VPS8: variants seen among roughly 807,000 people sequenced by gnomAD.
VPS8 encodes the protein VPS8 subunit of CORVET complex.
Under a neutral mutation model 216.4 loss-of-function variants are expected in VPS8, and 129 were observed. That is an observed-to-expected ratio of 0.60 (90% confidence interval 0.52 to 0.69). The LOEUF (loss-of-function observed/expected upper bound fraction) is 0.69, where lower values mean the gene tolerates loss of function less well. VPS8 is among the 30% of genes least tolerant of loss of function. The pLI is 0.00. For synonymous variants in VPS8, 571 were observed against 565.4 expected (o/e 1.01, Z -0.14); for missense variants, 1,531 against 1,683.5 (o/e 0.91, Z 1.59).
chr3:185,008,812 A>G (rs775363668), intron 45 of VPS8, among the ~76,000 whole-genome samples: 6 of 152,206 alleles, frequency 3.9e-5, no homozygotes, highest in Non-Finnish European at 7.4e-5. Flanking sequence ...AGAGGTAGGT[A>G]GACAGGGCCT....
intron 23 of VPS8, among the ~76,000 whole-genome samples, chr3:184,896,391 A>G (rs765581100): frequency 3.3e-5 from 5 of 152,150 alleles, no homozygotes; most frequent in Non-Finnish European, 5.9e-5. Flanking sequence ...CAATTTCAAA[A>G]TGCTCCCCTC....
intron 3 of VPS8, among the ~76,000 whole-genome samples, chr3:184,826,683 T>C (rs776061836): frequency 2.0e-5 from 3 of 152,254 alleles, no homozygotes; most frequent in Non-Finnish European, 4.4e-5. Context: ...AGGTTTGTAT[T>C]ATGTGTTGCT....
intron 22 of VPS8, among the ~76,000 whole-genome samples, chr3:184,894,448 T>C (rs1732948708): frequency 6.6e-6 from 1 of 150,932 alleles, no homozygotes; most frequent in African/African-American, 2.4e-5. Context: ...CCTTTTCTGA[T>C]TTGTTAAAGA....
chr3:184,868,061 T>A lies in VPS8; in HGVS notation c.1506+2T>A. On this transcript the variant is annotated splice_donor_variant, in intron 18 of 47. Coordinates refer to ENST00000625842, the MANE Select transcript of VPS8 (RefSeq NM_001009921.3). LOFTEE classifies it high-confidence loss of function. The stretch of plus-strand genomic sequence containing the variant: ...ATGATGCTGAGGAGCTGGAGAGAGG[T>A]GAGTTCCAAGTAATTTCACATGTCA... 6.2e-7 allele frequency: 1 copy of A among 1,612,828 alleles called. No homozygotes were observed. The highest frequency in any genetic ancestry group is 8.5e-7 in the Non-Finnish European group (1 of 1,179,620).
At position 184,849,155 on chromosome 3, in the gene VPS8, A is replaced by G. The variant is rs769558617; in HGVS notation, c.626A>G (p.Asn209Ser). ...YGAISALSIN[N>S]DCSRLLCGFA... ...GCTATCTCTGCCCTCAGTATCAACA[A>G]TGATTGCTCAAGACTTCTTTGTGGC... Residue 209 changes from asparagine (N) to serine (S), a missense_variant, in exon 9 of 48, where the codon AAT becomes AGT. Coordinates refer to ENST00000625842, the MANE Select transcript of VPS8 (RefSeq NM_001009921.3). The G allele has an allele frequency of 3.1e-6, 5 of 1,613,652 alleles. No individual in the cohort carries two copies. The highest frequency in any genetic ancestry group is 2.7e-5 in the African/African-American group (2 of 75,026).
At chr3:185,042,434 C>T (rs1711866022) in intron 46 of VPS8, among the ~76,000 whole-genome samples, 2 of 152,206 alleles carry the variant, frequency 1.3e-5, no homozygotes, top group African/African-American at 4.8e-5. Context: ...GGAATGGCCA[C>T]AGTATGCCAC....
At chr3:184,940,292 G>A (rs749934217) in intron 36 of VPS8, 49 bp downstream of exon 36, 15 of 443,558 alleles carry the variant, frequency 3.4e-5, no homozygotes, top group Non-Finnish European at 4.7e-5. Context: ...ATATATATGA[G>A]AAATAAAAGG....
At chr3:185,003,620 C>G (rs1753755149) in intron 45 of VPS8, among the ~76,000 whole-genome samples, 1 of 152,032 alleles carries the variant, frequency 6.6e-6, no homozygotes, top group Non-Finnish European at 1.5e-5. Context: ...CTTTTCTATT[C>G]CACAAAACCG....
At chr3:184,894,111 CA>C (rs1732878422) in intron 22 of VPS8, among the ~76,000 whole-genome samples, 1 of 152,028 alleles carries the variant, frequency 6.6e-6, no homozygotes, top group Non-Finnish European at 1.5e-5. Flanking sequence ...AAGGATTAAA[CA>C]TTTTTTTTCT....
rs75395088 is a variant in VPS8 at position 184,848,988 on chromosome 3, C to T, written c.542-83C>T. 9.6e-4 allele frequency: 1,421 copies of T among 1,478,890 alleles called. 13 individuals carry two copies. The East Asian group carries it at 0.031, about 33-fold the overall frequency. The allele number at this position is 1,478,890 out of a possible 1,614,324, so 91.6% of individuals were successfully genotyped here. On this transcript the variant is annotated intron_variant, in intron 8 of 47. Coordinates refer to ENST00000625842, the MANE Select transcript of VPS8 (RefSeq NM_001009921.3). ...GCTGCTTTTGATTCTTGTCACCTCCCAAGTCTTTGAAAGCATGCCTGTACT... is the reference window on the plus strand; with the variant it reads ...GCTGCTTTTGATTCTTGTCACCTCCTAAGTCTTTGAAAGCATGCCTGTACT...
intron 45 of VPS8, among the ~76,000 whole-genome samples, chr3:185,004,207 C>T (rs1004289851): frequency 4.0e-5 from 6 of 151,880 alleles, no homozygotes; most frequent in South Asian, 2.1e-4. Context: ...AGTGAGTGAA[C>T]GAGACTCCGT....
chr3:184,822,993 A>G (rs1370978209), intron 1 of VPS8, among the ~76,000 whole-genome samples: 1 of 152,230 alleles, frequency 6.6e-6, no homozygotes, highest in Non-Finnish European at 1.5e-5. Context: ...TATACCAAAT[A>G]GTGTAATAGC....
At chr3:185,006,720 C>A (rs1470034736) in intron 45 of VPS8, among the ~76,000 whole-genome samples, 1 of 152,174 alleles carries the variant, frequency 6.6e-6, no homozygotes, top group Admixed American at 6.5e-5. Context: ...CACAGGAGGG[C>A]CCAGTGACTC....
intron 36 of VPS8, among the ~76,000 whole-genome samples, chr3:184,946,575 T>C (rs1449579662): frequency 6.6e-6 from 1 of 152,174 alleles, no homozygotes. Context: ...TTACCTAAGG[T>C]GAAATCCAGT....
chr3:185,031,065 T>A (rs1007894962), intron 46 of VPS8, among the ~76,000 whole-genome samples: 1 of 122,138 alleles, frequency 8.2e-6, no homozygotes, highest in African/African-American at 3.9e-5. Context: ...AGGTTGGCGT[T>A]TTTTTTTTTT....
chr3:185,004,347 G>A (rs527754002), intron 45 of VPS8, among the ~76,000 whole-genome samples: 24 of 152,284 alleles, frequency 1.6e-4, no homozygotes, highest in African/African-American at 5.3e-4. Context: ...AGGCGTGGCG[G>A]CGCGCGCCCG....
Position 184,952,324 on chromosome 3 carries a change from G to GT in VPS8, c.3036-5048dup, listed in dbSNP as rs569611838. ...TTTTTCCCCACACACCAATCAAGCA[G>GT]TTCTCTAGTGGGCACCAACTGGGTA... is the stretch of plus-strand genomic sequence containing the variant. On this transcript the variant is annotated intron_variant, in intron 36 of 47. Transcript: ENST00000625842. Among the ~76,000 whole-genome samples the GT allele has an allele frequency of 2.7e-3, 413 of 152,318 alleles. 2 individuals carry two copies. Among genetic ancestry groups the GT allele is most frequent in the African/African-American group, 9.8e-3 (408 of 41,580 alleles).
chr3:184,942,334 T>G (rs1275925318), intron 36 of VPS8, among the ~76,000 whole-genome samples: 1 of 152,156 alleles, frequency 6.6e-6, no homozygotes, highest in Non-Finnish European at 1.5e-5. Flanking sequence ...ACAGGTATAT[T>G]TTATTTCCCT....
intron 8 of VPS8, among the ~76,000 whole-genome samples, chr3:184,848,730 A>T (rs1201514020): frequency 2.0e-5 from 3 of 151,868 alleles, no homozygotes; most frequent in African/African-American, 7.3e-5. Context: ...CACCATGCCC[A>T]GCTAATTTTT....
Sources: gnomAD v4.1 joint callset for allele counts (sites outside exome capture counted in the v4.1 genomes callset) on GRCh38, gnomAD v4.1.1 for gene constraint, MANE v1.5 for transcripts, NCBI Gene and HGNC (gene_info 2026-07-23, HGNC 2026-07-21) for gene names.